Variants in MAML2 observed in about 807,000 individuals in gnomAD.
MAML2 encodes mastermind like transcriptional coactivator 2, also known as mastermind-like protein 2.
In MAML2, 22 loss-of-function variants were observed where a neutral mutation model predicts 96.1. The ratio of observed to expected loss-of-function variants is 0.23; its 90% CI spans 0.16 to 0.33. The LOEUF is 0.33. Ranked by LOEUF, MAML2 falls within the 10% of genes least tolerant of loss-of-function variation. MAML2 has a pLI of 1.00. For synonymous variants in MAML2, 561 were observed against 521.3 expected, an observed-to-expected ratio of 1.08 and a Z score of -1.04; for missense variants, 1,367 against 1,392.4, an observed-to-expected ratio of 0.98 and a Z score of 0.29.
chr11:96,034,232 C>T (rs1406761722), intron 2 of MAML2, among the ~76,000 whole-genome samples: 1 of 152,154 alleles, frequency 6.6e-6, no homozygotes, highest in Admixed American at 6.5e-5. Context: ...GAATGCGTCT[C>T]ATAAAGATAT....
At chr11:96,083,683 C>T (rs1357165517) in intron 2 of MAML2, among the ~76,000 whole-genome samples, 1 of 152,136 alleles carries the variant, frequency 6.6e-6, no homozygotes, top group Non-Finnish European at 1.5e-5. Context: ...GACGATAAGT[C>T]AATGGTATAA....
chr11:96,189,700 A>G (rs1861625542), intron 1 of MAML2, among the ~76,000 whole-genome samples: 1 of 152,216 alleles, frequency 6.6e-6, no homozygotes, highest in African/African-American at 2.4e-5. Context: ...TTTGTTGGGC[A>G]TTTTGTTTTG....
chr11:96,157,452 G>T (rs1861027854), intron 1 of MAML2, among the ~76,000 whole-genome samples: 1 of 152,236 alleles, frequency 6.6e-6, no homozygotes, highest in Non-Finnish European at 1.5e-5. Flanking sequence ...TTTCATTATG[G>T]AACGTCATGG....
At chr11:96,180,406 G>T (rs1861464732) in intron 1 of MAML2, among the ~76,000 whole-genome samples, 1 of 152,154 alleles carries the variant, frequency 6.6e-6, no homozygotes, top group Non-Finnish European at 1.5e-5. Context: ...TTTCCACTTG[G>T]CTCTCTTTTT....
At chr11:96,295,671 C>T (rs2030311484) in intron 1 of MAML2, among the ~76,000 whole-genome samples, 2 of 133,942 alleles carry the variant, frequency 1.5e-5, no homozygotes, top group African/African-American at 5.7e-5. Flanking sequence ...TACTACTGCT[C>T]TGCTGCTGTA....
chr11:96,284,184 A>G (rs1003075107), intron 1 of MAML2, among the ~76,000 whole-genome samples: 12 of 152,148 alleles, frequency 7.9e-5, no homozygotes, highest in African/African-American at 2.9e-4. Flanking sequence ...GATGTGTACC[A>G]CTTTCAATTT....
chr11:96,315,668 A>G (rs1306492531), intron 1 of MAML2, among the ~76,000 whole-genome samples: 2 of 152,154 alleles, frequency 1.3e-5, no homozygotes, highest in African/African-American at 4.8e-5. Context: ...AGAATGACTC[A>G]ATCTCATCAT....
At chr11:96,078,549 A>T (rs946750105) in intron 2 of MAML2, among the ~76,000 whole-genome samples, 57 of 152,210 alleles carry the variant, frequency 3.7e-4, no homozygotes, top group African/African-American at 1.3e-3. Context: ...CTAATTTCTA[A>T]CTAAATGAAA....
At chr11:96,304,573 T>C (rs927520797) in intron 1 of MAML2, among the ~76,000 whole-genome samples, 2 of 152,106 alleles carry the variant, frequency 1.3e-5, no homozygotes, top group Non-Finnish European at 2.9e-5. Flanking sequence ...GGCACCCAGG[T>C]TTTTCTTTAT....
intron 1 of MAML2, among the ~76,000 whole-genome samples, chr11:96,215,510 G>A (rs1656954105): frequency 6.6e-6 from 1 of 152,202 alleles, no homozygotes; most frequent in Non-Finnish European, 1.5e-5. Context: ...TAATTTCTCT[G>A]ACGAATACAC....
intron 1 of MAML2, among the ~76,000 whole-genome samples, chr11:96,194,961 G>A (rs571750652): frequency 7.9e-5 from 12 of 152,308 alleles, no homozygotes; most frequent in Admixed American, 2.6e-4. Flanking sequence ...TGATACATAT[G>A]CTTGGAAAAC....
chr11:96,010,824 T>C lies in MAML2; in HGVS notation c.2140-19101A>G, dbSNP rs74602019. Among the ~76,000 whole-genome samples, 675 of 152,330 alleles carry C rather than the reference T, an allele frequency of 4.4e-3. 11 individuals carry two copies. The East Asian group carries it at 0.049, about 11-fold the overall frequency. The stretch of plus-strand genomic sequence containing the variant: ...ATCACTAACAGTTTTAGTTGTTCTA[T>C]ATTAGTACTTTCATATAAGTATATA... On this transcript the variant is annotated intron_variant, in intron 2 of 4. Coordinates refer to ENST00000524717, the MANE Select transcript of MAML2 (RefSeq NM_032427.4).
chr11:96,040,951 C>T (rs1858797659), intron 2 of MAML2, among the ~76,000 whole-genome samples: 1 of 152,142 alleles, frequency 6.6e-6, no homozygotes, highest in Admixed American at 6.5e-5. Flanking sequence ...CAACATTATG[C>T]TTCTGAGATT....
At chr11:96,161,171 T>C (rs1480985363) in intron 1 of MAML2, among the ~76,000 whole-genome samples, 1 of 152,174 alleles carries the variant, frequency 6.6e-6, no homozygotes, top group African/African-American at 2.4e-5. Context: ...TGAGGACCGC[T>C]CTCTGAGAAG....
intron 1 of MAML2, among the ~76,000 whole-genome samples, chr11:96,158,445 G>A (rs1170609335): frequency 1.3e-5 from 2 of 152,146 alleles, no homozygotes; most frequent in African/African-American, 4.8e-5. Flanking sequence ...GCCTTCAAAG[G>A]GCAGCTCATG....
At chr11:96,291,423 G>C (rs192333980) in intron 1 of MAML2, among the ~76,000 whole-genome samples, 2 of 152,002 alleles carry the variant, frequency 1.3e-5, no homozygotes, top group East Asian at 1.9e-4. Flanking sequence ...CACTGCGCCC[G>C]GCCTTCATAA....
intron 2 of MAML2, among the ~76,000 whole-genome samples, chr11:95,993,266 C>T (rs1008377698): frequency 4.0e-5 from 6 of 150,782 alleles, no homozygotes; most frequent in African/African-American, 1.5e-4. Flanking sequence ...GGTTACAAGA[C>T]ATAAAAACAT....
chr11:96,297,594 A>G (rs887649154), intron 1 of MAML2, among the ~76,000 whole-genome samples: 2 of 152,182 alleles, frequency 1.3e-5, no homozygotes, highest in African/African-American at 4.8e-5. Context: ...AAACAAAAAC[A>G]AAAAAACAGC....
chr11:96,221,689 C>CT (rs71040137), intron 1 of MAML2, among the ~76,000 whole-genome samples: 1,177 of 105,744 alleles, frequency 0.011, 16 homozygotes, highest in African/African-American at 0.023. Context: ...TTCAGTCAAG[C>CT]TTTTTTTTTT....
Sources: allele counts gnomAD v4.1 joint callset (sites outside exome capture counted in the v4.1 genomes callset), GRCh38; gene constraint gnomAD v4.1.1; transcripts MANE v1.5; gene names NCBI Gene and HGNC (gene_info 2026-07-23, HGNC 2026-07-21).